SLC28A3: variants seen among roughly 807,000 people sequenced by gnomAD.
SLC28A3 encodes the protein solute carrier family 28 member 3.
SLC28A3 carries 68 observed loss-of-function variants against 84.2 expected under a neutral mutation model. That is an observed-to-expected ratio of 0.81 (90% confidence interval 0.66 to 0.99). The LOEUF (loss-of-function observed/expected upper bound fraction) is 0.99, where lower values mean the gene tolerates loss of function less well. SLC28A3 is among the 50% of genes least tolerant of loss of function. The pLI is 0.00. For missense variants in SLC28A3, 712 were observed against 841.5 expected (o/e 0.85, Z 1.90); for synonymous variants, 267 against 303.6 (o/e 0.88, Z 1.25).
intron 1 of SLC28A3, among the ~76,000 whole-genome samples, chr9:84,318,969 A>C (rs10122651): frequency 0.36 from 54,428 of 151,998 alleles, 13,922 homozygotes; most frequent in African/African-American, 0.71. Flanking sequence ...GAAATTATGA[A>C]AAAAAGAGAG....
intron 1 of SLC28A3, among the ~76,000 whole-genome samples, chr9:84,338,636 C>T (rs2118631190): frequency 6.6e-6 from 1 of 152,228 alleles, no homozygotes; most frequent in Middle Eastern, 3.4e-3. Flanking sequence ...CGTTGTGTGC[C>T]CTCCTCCCTG....
chr9:84,351,972 A>T, the SLC28A3 span, among the ~76,000 whole-genome samples: 1 of 152,094 alleles, frequency 6.6e-6, no homozygotes, highest in Admixed American at 6.5e-5. Flanking sequence ...CTGTAATGAG[A>T]GTTTTTTGCA....
At chr9:84,362,442 GCCAACA>G in the SLC28A3 span, among the ~76,000 whole-genome samples, 1 of 152,136 alleles carries the variant, frequency 6.6e-6, no homozygotes, top group Admixed American at 6.6e-5. Context: ...GATCAGCCTG[GCCAACA>G]TGGTGAAACC....
chr9:84,358,454 G>C, the SLC28A3 span, among the ~76,000 whole-genome samples: 1 of 152,100 alleles, frequency 6.6e-6, no homozygotes, highest in Non-Finnish European at 1.5e-5. Flanking sequence ...CGGGCTGAAG[G>C]CTCAGCTGTT....
At chr9:84,304,881 G>C (rs1258199534) in intron 4 of SLC28A3, among the ~76,000 whole-genome samples, 1 of 152,152 alleles carries the variant, frequency 6.6e-6, no homozygotes, top group East Asian at 1.9e-4. Context: ...AATTAGCCGG[G>C]TGTGGTGACG....
chr9:84,365,466 T>A, the SLC28A3 span, among the ~76,000 whole-genome samples: 1 of 152,206 alleles, frequency 6.6e-6, no homozygotes, highest in Non-Finnish European at 1.5e-5. Flanking sequence ...ACTTTGTTGC[T>A]ATTTTTCCTT....
intron 1 of SLC28A3, among the ~76,000 whole-genome samples, chr9:84,319,007 T>C (rs1826270763): frequency 6.6e-6 from 1 of 152,146 alleles, no homozygotes; most frequent in South Asian, 2.1e-4. Context: ...TATTTGATAA[T>C]AAAATCTAAG....
In SLC28A3 at chr9:84,311,533, A is replaced by G. The variant is rs575713636; in HGVS notation, c.157-1819T>C. Among the ~76,000 whole-genome samples, 59 of 152,224 alleles carry G rather than the reference A, an allele frequency of 3.9e-4. 2 individuals carry two copies. The South Asian group carries it at 7.3e-3, about 19-fold the overall frequency. ...GGCATGTATCCACCATTGTAGTATC[A>G]GGCATACTAGTTTCATGGCCCTAAA... is the stretch of plus-strand genomic sequence containing the variant. On this transcript the variant is annotated intron_variant, in intron 2 of 17. Coordinates refer to ENST00000376238, the MANE Select transcript of SLC28A3 (RefSeq NM_001199633.2).
chr9:84,310,801 G>A (rs1825963859), intron 2 of SLC28A3, among the ~76,000 whole-genome samples: 1 of 152,206 alleles, frequency 6.6e-6, no homozygotes, highest in African/African-American at 2.4e-5. Flanking sequence ...AAGGGCTGGA[G>A]TTGAGTCTTA....
At chr9:84,341,697 A>G (rs17343456), upstream of SLC28A3, among the ~76,000 whole-genome samples, 9,341 of 152,280 alleles carry the variant, frequency 0.061, 453 homozygotes, top group Middle Eastern at 0.16. Flanking sequence ...CAGCTATTCA[A>G]TTATCAAAAG....
intron 4 of SLC28A3, among the ~76,000 whole-genome samples, chr9:84,304,228 T>C (rs1024054869): frequency 6.6e-6 from 1 of 152,234 alleles, no homozygotes; most frequent in East Asian, 1.9e-4. Context: ...TCTGAAATAC[T>C]GAAAAGCCTA....
chr9:84,338,131 A>C (rs7022853), intron 1 of SLC28A3, among the ~76,000 whole-genome samples: 5,791 of 152,320 alleles, frequency 0.038, 349 homozygotes, highest in African/African-American at 0.13. Flanking sequence ...AGTTCTACTT[A>C]GTAAAATTAG....
rs1306331801 is a variant in SLC28A3, at chr9:84,279,312, A to G, written c.1902T>C (p.Pro634=). Reference sequence around the variant, plus strand: ...AAGCTATCACCTTGGTTGTGTTTCCAGGGAAAGTGGAGTTGAAGGCATTCT... The same window carrying G: ...AAGCTATCACCTTGGTTGTGTTTCCGGGGAAAGTGGAGTTGAAGGCATTCT... ...VLENAFNSTF[P]GNTTKVIACC... Residue 634 remains proline (P), a synonymous_variant, in exon 17 of 18, where the codon CCT becomes CCC. Coordinates refer to ENST00000376238, the MANE Select transcript of SLC28A3 (RefSeq NM_001199633.2). The G allele has an allele frequency of 1.9e-6, 3 of 1,613,230 alleles. No homozygotes were observed. The highest frequency in any genetic ancestry group is 2.5e-6 in the Non-Finnish European group (3 of 1,179,570).
intron 6 of SLC28A3, among the ~76,000 whole-genome samples, chr9:84,299,080 T>C (rs1027763158): frequency 3.3e-5 from 5 of 152,208 alleles, no homozygotes; most frequent in East Asian, 1.9e-4. Flanking sequence ...TATGAGAGAT[T>C]TGATGTCTCA....
chr9:84,343,183 C>CA (rs35239520), upstream of SLC28A3, among the ~76,000 whole-genome samples: 4,955 of 143,270 alleles, frequency 0.035, 170 homozygotes, highest in Admixed American at 0.098. Context: ...GACTCCATCT[C>CA]AAAAAAAAAA....
chr9:84,282,273 A>G (rs776741521), intron 14 of SLC28A3, among the ~76,000 whole-genome samples: 16 of 151,776 alleles, frequency 1.1e-4, no homozygotes, highest in Admixed American at 2.6e-4. Context: ...ACAAATGGCC[A>G]TGAGGAAAAC....
Position 84,290,149 on chromosome 9 carries a change from C to A in SLC28A3, c.1149+5G>T. ...GGTGTTTTCATAATTCCAAAACATT[C>A]TTACCCCAAAAGAAATGTATGCACC... On this transcript the variant is annotated splice_donor_5th_base_variant and intron_variant, in intron 11 of 17. Transcript: ENST00000376238. 1.9e-6 allele frequency: 3 copies of A among 1,612,918 alleles called. No homozygotes were observed. The highest frequency in any genetic ancestry group is 2.2e-5 in the South Asian group (2 of 90,922).
At chr9:84,355,955 C>T in the SLC28A3 span, among the ~76,000 whole-genome samples, 42 of 152,068 alleles carry the variant, frequency 2.8e-4, no homozygotes, top group Middle Eastern at 3.4e-3. Flanking sequence ...GCTGGGACTA[C>T]GGGTGCACCC....
chr9:84,356,871 T>G, the SLC28A3 span, among the ~76,000 whole-genome samples: 6 of 151,892 alleles, frequency 4.0e-5, no homozygotes, highest in South Asian at 1.2e-3. Context: ...TAAAATAAAT[T>G]TATCAAAATG....
Sources: gnomAD v4.1 joint callset for allele counts (sites outside exome capture counted in the v4.1 genomes callset) on GRCh38, gnomAD v4.1.1 for gene constraint, MANE v1.5 for transcripts, NCBI Gene and HGNC (gene_info 2026-07-23, HGNC 2026-07-21) for gene names.